DAPL1: variants seen among roughly 807,000 people sequenced by gnomAD.
DAPL1 encodes death-associated protein-like 1.
In DAPL1, 17 loss-of-function variants were observed where a neutral mutation model predicts 12.9. The observed-to-expected ratio is 1.32, with a 90% CI of 0.90 to 1.98. The LOEUF is 1.98. Among genes scored for constraint, DAPL1 ranks in the 30% most tolerant of loss-of-function variants. DAPL1 has a pLI of 0.00. For missense variants in DAPL1, 157 were observed against 125.7 expected, an observed-to-expected ratio of 1.25 and a Z score of -1.19; for synonymous variants, 51 against 42.0, an observed-to-expected ratio of 1.21 and a Z score of -0.82.
intron 3 of DAPL1, among the ~76,000 whole-genome samples, chr2:158,815,401 T>C (rs2059254439): frequency 1.3e-5 from 2 of 152,224 alleles, no homozygotes; most frequent in South Asian, 4.1e-4. Context: ...CATAGATGCA[T>C]ACTAGTGCCA....
At chr2:158,804,230 C>T in intron 1 of DAPL1, 52 bp from the exon 2 acceptor site, 2 of 1,251,644 alleles carry the variant, frequency 1.6e-6, no homozygotes, top group South Asian at 1.4e-5. Flanking sequence ...AATAACAAAG[C>T]AAGCCTTCTC....
intron 1 of DAPL1, among the ~76,000 whole-genome samples, chr2:158,799,646 T>C (rs1051658592): frequency 3.9e-5 from 6 of 152,126 alleles, no homozygotes; most frequent in Non-Finnish European, 8.8e-5. Flanking sequence ...TCTAGGGATA[T>C]TATCTTCCGC....
intron 2 of DAPL1, among the ~76,000 whole-genome samples, chr2:158,806,300 T>A (rs1356308785): frequency 6.6e-6 from 1 of 150,842 alleles, no homozygotes; most frequent in Non-Finnish European, 1.5e-5. Flanking sequence ...TGGCCCTGAT[T>A]GAAACTCTCC....
intron 2 of DAPL1, among the ~76,000 whole-genome samples, 185 bp downstream of exon 2, chr2:158,804,554 T>G (rs540046497): frequency 6.6e-6 from 1 of 152,240 alleles, no homozygotes; most frequent in African/African-American, 2.4e-5. Flanking sequence ...GTGGCTACCC[T>G]CTGGAGGGAT....
intron 3 of DAPL1, among the ~76,000 whole-genome samples, chr2:158,814,461 A>G (rs2059249289): frequency 6.6e-6 from 1 of 152,250 alleles, no homozygotes; most frequent in Non-Finnish European, 1.5e-5. Flanking sequence ...TAGTACTGAT[A>G]AATAAAGTGA....
At chr2:158,800,985 G>A (rs115615634) in intron 1 of DAPL1, among the ~76,000 whole-genome samples, 48 of 152,224 alleles carry the variant, frequency 3.2e-4, no homozygotes, top group Non-Finnish European at 5.3e-4. Context: ...TGGGACTACC[G>A]GCAATCGCCA....
intron 3 of DAPL1, among the ~76,000 whole-genome samples, chr2:158,815,481 T>C (rs1247457177): frequency 1.3e-5 from 2 of 152,276 alleles, no homozygotes; most frequent in African/African-American, 4.8e-5. Flanking sequence ...AAAATGTCAA[T>C]TGGAATTTTT....
chr2:158,800,913 C>T (rs977613821), intron 1 of DAPL1, among the ~76,000 whole-genome samples: 9 of 152,264 alleles, frequency 5.9e-5, no homozygotes, highest in Admixed American at 5.9e-4. Context: ...AATCTCAGCT[C>T]CCTGCAACCT....
chr2:158,804,094 C>A (rs2059184818), intron 1 of DAPL1, among the ~76,000 whole-genome samples, 188 bp from the exon 2 acceptor site: 1 of 151,806 alleles, frequency 6.6e-6, no homozygotes, highest in Admixed American at 6.6e-5. Flanking sequence ...GCTCTCAGCC[C>A]TTCCTCCACC....
chr2:158,812,951 A>C (rs947984645), intron 3 of DAPL1, among the ~76,000 whole-genome samples: 5 of 152,298 alleles, frequency 3.3e-5, no homozygotes, highest in African/African-American at 1.2e-4. Flanking sequence ...ATCATTCACA[A>C]TAGCCAAAAG....
chr2:158,796,621 A>C (rs1161115576), intron 1 of DAPL1, among the ~76,000 whole-genome samples: 1 of 152,228 alleles, frequency 6.6e-6, no homozygotes, highest in Non-Finnish European at 1.5e-5. Context: ...ACAAAGACAA[A>C]AGAAAAAAGA....
At position 158,815,772 on chromosome 2, in the gene DAPL1, T is replaced by C; in HGVS notation, c.275T>C (p.Val92Ala). ...AAACCCACACCTGCTCTGGAAAAGG[T>C]TGTTCCACTGAAAAGGATCTACATT... Reference protein sequence around the residue: ...HQKPTPALEKVVPLKRIYIIQ... With the variant: ...HQKPTPALEKAVPLKRIYIIQ... The change falls in exon 4 of 4, where the codon GTT (valine) becomes GCT (alanine). Residue 92 changes from valine to alanine, a missense_variant. By Grantham distance (64) the Val-to-Ala change is moderately conservative. Transcript: ENST00000309950. 3.1e-6 allele frequency: 5 copies of C among 1,614,118 alleles called. No homozygotes were observed. Among genetic ancestry groups the C allele is most frequent in the Non-Finnish European group, 4.2e-6 (5 of 1,179,976 alleles).
chr2:158,815,910 G>A lies in DAPL1; in HGVS notation c.*89G>A. 1 of 882,104 alleles carries A rather than the reference G, an allele frequency of 1.1e-6. No homozygotes were observed. The highest frequency in any genetic ancestry group is 1.9e-5 in the Admixed American group (1 of 53,440). The allele number at this position is 882,104 out of a possible 1,614,324, so 54.6% of individuals were successfully genotyped here. A position where few individuals can be genotyped will look rare whatever the true frequency, so the allele number is the denominator to read the frequency against. On this transcript the variant is annotated 3_prime_UTR_variant, in exon 4 of 4. Coordinates refer to ENST00000309950, the MANE Select transcript of DAPL1 (RefSeq NM_001017920.3). ...GGCCAAAGCTTTCCATAGGCGTGCT[G>A]CACTTGCTTGGTAAATTAAGCAGCT...
intron 1 of DAPL1, among the ~76,000 whole-genome samples, chr2:158,800,114 G>C (rs2059159087): frequency 6.6e-6 from 1 of 151,508 alleles, no homozygotes. Context: ...AATGCCTTAT[G>C]CTCTTTCCAA....
intron 3 of DAPL1, among the ~76,000 whole-genome samples, chr2:158,814,944 C>G (rs79006969): frequency 6.6e-6 from 1 of 152,144 alleles, no homozygotes; most frequent in Non-Finnish European, 1.5e-5. Flanking sequence ...CTAGGAAAAC[C>G]ATGTCTGAAG....
intron 3 of DAPL1, among the ~76,000 whole-genome samples, chr2:158,808,964 A>G (rs571766181): frequency 6.6e-6 from 1 of 152,200 alleles, no homozygotes; most frequent in African/African-American, 2.4e-5. Context: ...CTTTATTTCA[A>G]AGGTAAAAAG....
chr2:158,805,473 A>G lies in DAPL1; in HGVS notation c.146+1104A>G, dbSNP rs1004887763. On this transcript the variant is annotated intron_variant, in intron 2 of 3. Transcript: ENST00000309950. ...GAATAGTGAATGCATTCTGTAAATG[A>G]TATCAGACTGCGATTGAATTGCAAG... is the stretch of plus-strand genomic sequence containing the variant. Among the ~76,000 whole-genome samples the G allele has an allele frequency of 1.5e-4, 22 of 151,710 alleles. 1 individual carries two copies. Among genetic ancestry groups the G allele is most frequent in the African/African-American group, 4.8e-4 (20 of 41,498 alleles).
chr2:158,804,469 A>G (rs2059188606), intron 2 of DAPL1, 100 bp downstream of exon 2: 3 of 744,316 alleles, frequency 4.0e-6, no homozygotes, highest in South Asian at 4.7e-5. Context: ...ATGCCTTTGG[A>G]GGCAGCCAGA....
At chr2:158,810,148 G>T (rs957691708) in intron 3 of DAPL1, among the ~76,000 whole-genome samples, 2 of 152,144 alleles carry the variant, frequency 1.3e-5, no homozygotes, top group Non-Finnish European at 2.9e-5. Flanking sequence ...TTTTAAAACA[G>T]AATAGCCATG....
Sources: allele counts gnomAD v4.1 joint callset (sites outside exome capture counted in the v4.1 genomes callset), GRCh38; gene constraint gnomAD v4.1.1; transcripts MANE v1.5; gene names NCBI Gene and HGNC (gene_info 2026-07-23, HGNC 2026-07-21).